Variants in ANK2 observed in about 807,000 individuals in gnomAD.
ANK2 encodes the protein ankyrin-2.
Under a neutral mutation model 360.5 loss-of-function variants are expected in ANK2, and 83 were observed. That is an observed-to-expected ratio of 0.23 (90% CI 0.19 to 0.28). ANK2 has a LOEUF of 0.28. Among genes scored for constraint, ANK2 ranks in the 10% least tolerant of loss-of-function variants. The probability of loss-of-function intolerance (pLI) is 1.00; values close to 1 mark genes in which losing one functional copy is unlikely to be tolerated. For synonymous variants in ANK2, 1,740 were observed against 1,759.5 expected, an observed-to-expected ratio of 0.99 and a Z score of 0.28; for missense variants, 4,201 against 4,795.7, an observed-to-expected ratio of 0.88 and a Z score of 3.66.
chr4:113,228,307 C>T (rs139843994), intron 4 of ANK2, among the ~76,000 whole-genome samples: 3 of 152,058 alleles, frequency 2.0e-5, no homozygotes, highest in Non-Finnish European at 4.4e-5. Flanking sequence ...TACACTGTGC[C>T]CAATTTGTAG....
intron 1 of ANK2, among the ~76,000 whole-genome samples, chr4:112,859,175 C>A (rs113996907): frequency 0.017 from 2,589 of 151,664 alleles, 67 homozygotes; most frequent in African/African-American, 0.057. Flanking sequence ...TGTATATAAC[C>A]AACCACAGCA....
chr4:112,705,970 G>A, the ANK2 span, among the ~76,000 whole-genome samples: 1 of 151,290 alleles, frequency 6.6e-6, no homozygotes, highest in African/African-American at 2.4e-5. Context: ...GGCTGGGCGA[G>A]CAGAGGGCAC....
intron 4 of ANK2, among the ~76,000 whole-genome samples, chr4:113,201,922 T>C (rs1263317515): frequency 6.6e-6 from 1 of 152,224 alleles, no homozygotes; most frequent in Non-Finnish European, 1.5e-5. Flanking sequence ...TAATCCTATT[T>C]GTAATTTATA....
intron 3 of ANK2, among the ~76,000 whole-genome samples, chr4:113,198,035 C>T (rs1405919491): frequency 6.6e-6 from 1 of 152,098 alleles, no homozygotes; most frequent in Non-Finnish European, 1.5e-5. Context: ...GCCATTCTGA[C>T]TGGTATGAGA....
Position 113,358,043 on chromosome 4 carries a change from C to T in ANK2, c.9425C>T (p.Thr3142Ile), listed in dbSNP as rs768052634. The T allele has an allele frequency of 1.2e-6, 2 of 1,614,024 alleles. No homozygotes were observed. Among genetic ancestry groups the T allele is most frequent in the Admixed American group, 1.7e-5 (1 of 60,012 alleles). The part of the protein sequence containing the change: ...FQIGQESREE[T>I]LSEDVKEGAT... Reference sequence around the variant, plus strand: ...ATTGGTCAAGAATCCAGGGAAGAGACTCTCTCTGAAGATGTGAAAGAAGGG... The same window carrying T: ...ATTGGTCAAGAATCCAGGGAAGAGATTCTCTCTGAAGATGTGAAAGAAGGG... The change falls in exon 38 of 46, where the codon ACT becomes ATT. Residue 3142 changes from threonine (T) to isoleucine (I), a missense_variant. Physicochemically the swap from Thr to Ile is moderately conservative, Grantham distance 89. This residue lies in a region of ANK2 where 2,642 missense variants were observed against 2,714.5 expected (regional missense o/e 0.97). Coordinates refer to ENST00000357077, the MANE Select transcript of ANK2 (RefSeq NM_001148.6).
chr4:113,278,540 C>G lies in ANK2; in HGVS notation c.1863C>G (p.Ser621=), dbSNP rs146425138. 263 of 1,613,932 alleles carry G rather than the reference C, an allele frequency of 1.6e-4. No homozygotes were observed. The African/African-American group carries it at 3.0e-3, about 19-fold the overall frequency. The change falls in exon 17 of 46, where the codon TCC becomes TCG. Residue 621 remains serine (S), a synonymous_variant. Coordinates refer to ENST00000357077, the MANE Select transcript of ANK2 (RefSeq NM_001148.6). ...TGCTGTTACTGGAGAAGGGTGCTTC[C>G]CCTCATGCCACTGCCAAGGTGAGGA... The part of the protein sequence containing the change: ...VALLLLEKGA[S]PHATAKNGYT...
rs1194098368 is a variant in ANK2 at position 113,354,196 on chromosome 4, T to C, written c.5578T>C (p.Ser1860Pro). The C allele has an allele frequency of 1.2e-6, 2 of 1,613,942 alleles. No homozygotes were observed. Residue 1860 changes from serine (S) to proline (P), a missense_variant, in exon 38 of 46, where the codon TCT (serine) becomes CCT (proline). Ser to Pro is a moderately conservative substitution (Grantham distance 74). Around this residue, in one of 4 missense-constraint regions of ANK2, gnomAD observed 2,642 missense variants for 2,714.5 expected, o/e 0.97. Transcript: ENST00000357077. ...TGAGAAACACTCACCTGTGTCACCCTCTGCAAAAACGGAAAGACATTCACC... is the reference window on the plus strand; with the variant it reads ...TGAGAAACACTCACCTGTGTCACCCCCTGCAAAAACGGAAAGACATTCACC... The part of the protein sequence containing the change: ...KTEKHSPVSP[S>P]AKTERHSPAS...
intron 4 of ANK2, among the ~76,000 whole-genome samples, chr4:113,230,786 T>C (rs1271397978): frequency 3.9e-5 from 6 of 152,192 alleles, no homozygotes; most frequent in Non-Finnish European, 8.8e-5. Flanking sequence ...ATTTCAGTGA[T>C]TTTAAAAATC....
chr4:112,969,536 A>T (rs1034298239), intron 2 of ANK2, among the ~76,000 whole-genome samples: 3 of 152,198 alleles, frequency 2.0e-5, no homozygotes, highest in Admixed American at 2.0e-4. Context: ...AATGAAGACT[A>T]GGGAGGAAAA....
intron 20 of ANK2, among the ~76,000 whole-genome samples, chr4:113,291,469 A>G (rs2067536632): frequency 6.6e-6 from 1 of 152,216 alleles, no homozygotes; most frequent in African/African-American, 2.4e-5. Context: ...AGAGACACTT[A>G]GGTAACCCTG....
rs34098456 is a variant in ANK2 at position 113,072,742 on chromosome 4, A to ATTTTTTTTTT, written c.84+22944_84+22953dup. ...TCCCTTAAAATAGACACTTGGCATAATTTTTTTTTTTTTTTTTTTTTTTGC... is the reference window on the plus strand; with the variant it reads ...TCCCTTAAAATAGACACTTGGCATAATTTTTTTTTTTTTTTTTTTTTTTTTTTTTTTTTGC... On this transcript the variant is annotated intron_variant, in intron 1 of 45. Transcript: ENST00000357077. 3.7e-3 allele frequency among the ~76,000 whole-genome samples: 275 copies of ATTTTTTTTTT among 74,168 alleles called. 6 individuals carry two copies. Among genetic ancestry groups the ATTTTTTTTTT allele is most frequent in the African/African-American group, 0.011 (236 of 22,406 alleles). 48.7% of individuals were successfully genotyped at this position (74,168 alleles called of 152,430 possible). A position where few individuals can be genotyped will look rare whatever the true frequency, so the allele number is the denominator to read the frequency against.
At chr4:112,812,074 CAAAAAAAAAAA>C in the ANK2 span, among the ~76,000 whole-genome samples, 1 of 79,144 alleles carries the variant, frequency 1.3e-5, no homozygotes, top group Admixed American at 1.7e-4. Context: ...GACTCCGTCT[CAAAAAAAAAAA>C]AAAAAAAAAA....
At chr4:112,989,054 T>C (rs1247566942) in intron 2 of ANK2, among the ~76,000 whole-genome samples, 1 of 152,182 alleles carries the variant, frequency 6.6e-6, no homozygotes, top group Non-Finnish European at 1.5e-5. Context: ...TTGAAACAGA[T>C]AAAAACCAAT....
At chr4:113,034,385 C>T in intron 2 of ANK2, 1 of 151,994 alleles carries the variant, frequency 6.6e-6, no homozygotes, top group Non-Finnish European at 1.5e-5. Context: ...TACACACTGT[C>T]TGCTTTGTGA....
At chr4:113,187,165 G>A (rs1199761492) in intron 2 of ANK2, among the ~76,000 whole-genome samples, 2 of 152,100 alleles carry the variant, frequency 1.3e-5, no homozygotes, top group African/African-American at 4.8e-5. Context: ...ACCTCAGTGG[G>A]TATGCAGTCA....
chr4:112,751,165 T>G, the ANK2 span, among the ~76,000 whole-genome samples: 1 of 152,122 alleles, frequency 6.6e-6, no homozygotes, highest in African/African-American at 2.4e-5. Flanking sequence ...TTGTCTCCAG[T>G]CCCCAAAACC....
intron 2 of ANK2, among the ~76,000 whole-genome samples, chr4:113,183,464 T>TG (rs1296297896): frequency 6.6e-6 from 1 of 152,164 alleles, no homozygotes; most frequent in African/African-American, 2.4e-5. Flanking sequence ...TAAACACATA[T>TG]GGCAGAACTA....
chr4:113,127,951 A>G (rs2095768371), intron 1 of ANK2, among the ~76,000 whole-genome samples: 1 of 152,174 alleles, frequency 6.6e-6, no homozygotes, highest in Non-Finnish European at 1.5e-5. Flanking sequence ...AGTGAATAAA[A>G]ATAACTTTAA....
At chr4:113,025,401 A>C (rs1381120086) in intron 2 of ANK2, among the ~76,000 whole-genome samples, 1 of 151,832 alleles carries the variant, frequency 6.6e-6, no homozygotes, top group Non-Finnish European at 1.5e-5. Flanking sequence ...CTTTTCTATT[A>C]CTCCCTCCAC....
Sources: gnomAD v4.1 joint callset for allele counts (sites outside exome capture counted in the v4.1 genomes callset) on GRCh38, gnomAD v4.1.1 for gene constraint, gnomAD v4.1.1 regional missense constraint, MANE v1.5 for transcripts, NCBI Gene and HGNC (gene_info 2026-07-23, HGNC 2026-07-21) for gene names.